Variants in MB21D2 observed in about 807,000 individuals in gnomAD.
MB21D2 encodes nucleotidyltransferase MB21D2.
Under a neutral mutation model 33.3 loss-of-function variants are expected in MB21D2, and 9 were observed. That is an observed-to-expected ratio of 0.27 (90% confidence interval 0.16 to 0.47). The LOEUF is 0.47. Ranked by LOEUF, MB21D2 falls within the 20% of genes least tolerant of loss-of-function variation. The probability of loss-of-function intolerance (pLI) is 0.99; values close to 1 mark genes in which losing one functional copy is unlikely to be tolerated. For missense variants in MB21D2, 540 were observed against 624.6 expected (o/e 0.86, Z 1.44); for synonymous variants, 241 against 236.3 (o/e 1.02, Z -0.18).
intron 1 of MB21D2, among the ~76,000 whole-genome samples, chr3:192,905,807 T>C (rs1714204478): frequency 6.6e-6 from 1 of 151,896 alleles, no homozygotes; most frequent in Non-Finnish European, 1.5e-5. Context: ...CACCCCAGCC[T>C]GGGTGACAGA....
chr3:192,844,503 T>TA (rs1466430041), intron 1 of MB21D2, among the ~76,000 whole-genome samples: 2 of 152,178 alleles, frequency 1.3e-5, no homozygotes, highest in Non-Finnish European at 2.9e-5. Flanking sequence ...TTCACCAACT[T>TA]ATAAGTAAAT....
At chr3:192,826,380 T>C (rs965635339) in intron 1 of MB21D2, among the ~76,000 whole-genome samples, 1 of 152,090 alleles carries the variant, frequency 6.6e-6, no homozygotes, top group African/African-American at 2.4e-5. Context: ...TAGCAAATGG[T>C]GGAGGGATTT....
chr3:192,917,536 GA>G (rs1478795102), intron 1 of MB21D2, 93 bp downstream of exon 1: 2 of 1,376,932 alleles, frequency 1.5e-6, no homozygotes, highest in Non-Finnish European at 2.0e-6. Flanking sequence ...AGGCAACCCA[GA>G]AGGGAAGAGG....
intron 1 of MB21D2, among the ~76,000 whole-genome samples, chr3:192,905,162 GC>G (rs1483327406): frequency 2.6e-5 from 4 of 152,222 alleles, no homozygotes; most frequent in Admixed American, 6.5e-5. Flanking sequence ...ACAGCTGAAT[GC>G]CCATCAGGCA....
chr3:192,900,895 C>G (rs1259179813), intron 1 of MB21D2, among the ~76,000 whole-genome samples: 1 of 150,972 alleles, frequency 6.6e-6, no homozygotes, highest in South Asian at 2.1e-4. Flanking sequence ...GAGCTGAGAT[C>G]GCGCCACTGC....
chr3:192,857,939 A>G (rs1712954375), intron 1 of MB21D2, among the ~76,000 whole-genome samples: 1 of 152,172 alleles, frequency 6.6e-6, no homozygotes, highest in Non-Finnish European at 1.5e-5. Context: ...AGCCTGGCCA[A>G]CATGGAGAAA....
In MB21D2 at chr3:192,798,555, C is replaced by T. The variant is rs759561650; in HGVS notation, c.1307G>A (p.Ser436Asn). The T allele has an allele frequency of 1.2e-6, 2 of 1,614,148 alleles. No homozygotes were observed. Among genetic ancestry groups the T allele is most frequent in the East Asian group, 2.2e-5 (1 of 44,876 alleles). Residue 436 changes from serine to asparagine, a missense_variant, in exon 2 of 2, where the codon AGC (serine) becomes AAC (asparagine). Transcript: ENST00000392452. This position sits in a 1 kb window ranked among gnomAD's most constrained non-coding sequence, Gnocchi z 4.8. ...LELQRRGSTTSIPSPQSDGGD... is the reference protein window; with the variant it reads ...LELQRRGSTTNIPSPQSDGGD... ...TCCGTCAGACTGTGGAGAGGGGATGCTGGTGGTGCTACCTCGCCTCTGGAG... is the reference window on the plus strand; with the variant it reads ...TCCGTCAGACTGTGGAGAGGGGATGTTGGTGGTGCTACCTCGCCTCTGGAG...
chr3:192,908,460 G>A (rs1183057704), intron 1 of MB21D2, among the ~76,000 whole-genome samples: 2 of 149,586 alleles, frequency 1.3e-5, no homozygotes, highest in African/African-American at 4.9e-5. Context: ...GTACAGTGAC[G>A]CGATCTAGGC....
chr3:192,802,536 G>A (rs912046425), intron 1 of MB21D2, among the ~76,000 whole-genome samples: 2 of 151,958 alleles, frequency 1.3e-5, no homozygotes, highest in African/African-American at 4.8e-5. Context: ...AACTTAATCC[G>A]GATTGAAAGT....
chr3:192,807,560 A>G (rs751862071), intron 1 of MB21D2, among the ~76,000 whole-genome samples: 1 of 152,122 alleles, frequency 6.6e-6, no homozygotes, highest in African/African-American at 2.4e-5. Context: ...GTTGAGATGT[A>G]TATGTCAACT....
At chr3:192,815,919 C>T (rs750975369) in intron 1 of MB21D2, among the ~76,000 whole-genome samples, 9 of 152,104 alleles carry the variant, frequency 5.9e-5, no homozygotes, top group Admixed American at 2.6e-4. Flanking sequence ...ACAATTGGCG[C>T]CCATACCACA....
At chr3:192,805,731 A>G (rs1375209496) in intron 1 of MB21D2, among the ~76,000 whole-genome samples, 2 of 152,194 alleles carry the variant, frequency 1.3e-5, no homozygotes, top group African/African-American at 2.4e-5. Flanking sequence ...TATCTATTAA[A>G]AAACAAACAA....
rs564167186 is a variant in MB21D2, at chr3:192,836,092, G to C, written c.212-36442C>G. On this transcript the variant is annotated intron_variant, in intron 1 of 1. Transcript: ENST00000392452. The stretch of plus-strand genomic sequence containing the variant: ...TGGATGGAACTGGGTTATAAATCAA[G>C]AGATCTAATTATAGACATAGCTGTA... Among the ~76,000 whole-genome samples, 55 of 152,264 alleles carry C rather than the reference G, an allele frequency of 3.6e-4. 1 individual carries two copies. The South Asian group carries it at 0.011, about 31-fold the overall frequency.
chr3:192,878,430 T>A (rs539011089), intron 1 of MB21D2, among the ~76,000 whole-genome samples: 3 of 152,224 alleles, frequency 2.0e-5, no homozygotes, highest in African/African-American at 7.2e-5. Context: ...GCAATTTCTA[T>A]GGTATTAGGT....
intron 1 of MB21D2, among the ~76,000 whole-genome samples, chr3:192,879,266 A>T (rs896740404): frequency 2.6e-5 from 4 of 152,192 alleles, no homozygotes; most frequent in Admixed American, 2.6e-4. Flanking sequence ...ATTCCGAGGG[A>T]CCAGACAGCA....
chr3:192,874,100 C>CGGGT (rs1405088828), intron 1 of MB21D2, among the ~76,000 whole-genome samples: 1 of 152,134 alleles, frequency 6.6e-6, no homozygotes, highest in African/African-American at 2.4e-5. Flanking sequence ...AGACCAAAGA[C>CGGGT]GGGTACAAGA....
intron 1 of MB21D2, among the ~76,000 whole-genome samples, chr3:192,828,712 A>T (rs1159934851): frequency 2.1e-5 from 3 of 140,244 alleles, no homozygotes; most frequent in Non-Finnish European, 4.6e-5. Context: ...GCAGTGGTGC[A>T]ATCTCGGCTC....
At chr3:192,886,745 C>G (rs554597219) in intron 1 of MB21D2, among the ~76,000 whole-genome samples, 1 of 152,188 alleles carries the variant, frequency 6.6e-6, no homozygotes, top group South Asian at 2.1e-4. Context: ...TTGAATTTTA[C>G]CTTTGCTGGA....
At chr3:192,901,242 T>C (rs1714093636) in intron 1 of MB21D2, among the ~76,000 whole-genome samples, 1 of 152,020 alleles carries the variant, frequency 6.6e-6, no homozygotes, top group Non-Finnish European at 1.5e-5. Flanking sequence ...TAGTTCACTA[T>C]TCCATAGAGA....
Sources: gnomAD v4.1 joint callset for allele counts (sites outside exome capture counted in the v4.1 genomes callset) on GRCh38, gnomAD v4.1.1 for gene constraint, Gnocchi (gnomAD v3.1) non-coding constraint, MANE v1.5 for transcripts, NCBI Gene and HGNC (gene_info 2026-07-23, HGNC 2026-07-21) for gene names.